CSTPP1: variants seen among roughly 807,000 people sequenced by gnomAD.
CSTPP1 encodes the protein UPF0705 protein C11orf49.
the CSTPP1 span, among the ~76,000 whole-genome samples, chr11:47,027,452 G>A: frequency 2.0e-5 from 3 of 152,248 alleles, no homozygotes; most frequent in African/African-American, 2.4e-5. Context: ...GGAAAGAACC[G>A]TCTTTCTTCC....
the CSTPP1 span, among the ~76,000 whole-genome samples, chr11:46,979,475 A>G: frequency 6.6e-6 from 1 of 152,234 alleles, no homozygotes; most frequent in Admixed American, 6.5e-5. Context: ...TATTGCCATG[A>G]CAAATATTAC....
At chr11:46,950,406 C>G in the CSTPP1 span, among the ~76,000 whole-genome samples, 2 of 151,894 alleles carry the variant, frequency 1.3e-5, no homozygotes, top group Admixed American at 1.3e-4. Context: ...ATCTCCTGAC[C>G]TTGTGATCCG....
chr11:47,027,917 TTTTTTTTTTC>T, the CSTPP1 span, among the ~76,000 whole-genome samples: 14 of 135,718 alleles, frequency 1.0e-4, no homozygotes, highest in African/African-American at 2.3e-4. Context: ...CTCTATTTTC[TTTTTTTTTTC>T]TTTTTTTTTT....
chr11:46,957,006 A>T, the CSTPP1 span, among the ~76,000 whole-genome samples: 5 of 151,206 alleles, frequency 3.3e-5, no homozygotes, highest in African/African-American at 4.9e-5. Flanking sequence ...CTTTTTGAAC[A>T]TTTTTTTTCA....
At chr11:46,999,784 A>T in the CSTPP1 span, among the ~76,000 whole-genome samples, 2 of 152,184 alleles carry the variant, frequency 1.3e-5, no homozygotes, top group Non-Finnish European at 2.9e-5. Context: ...ATTTACCTTT[A>T]AACAGTGATA....
chr11:47,073,646 C>T, the CSTPP1 span, among the ~76,000 whole-genome samples: 1 of 151,910 alleles, frequency 6.6e-6, no homozygotes, highest in South Asian at 2.1e-4. Flanking sequence ...AGCATGAGCG[C>T]TAAAGTGATA....
the CSTPP1 span, among the ~76,000 whole-genome samples, chr11:47,053,769 T>C: frequency 7.6e-6 from 1 of 130,738 alleles, no homozygotes; most frequent in African/African-American, 2.9e-5. Context: ...TACTGAGACT[T>C]CGTCTCTACA....
At chr11:47,021,493 A>G in the CSTPP1 span, among the ~76,000 whole-genome samples, 24 of 152,056 alleles carry the variant, frequency 1.6e-4, no homozygotes, top group African/African-American at 4.6e-4. Flanking sequence ...TCAAACAGCT[A>G]TTGTCTTTTA....
At chr11:46,944,299 C>CA in the CSTPP1 span, among the ~76,000 whole-genome samples, 2 of 137,054 alleles carry the variant, frequency 1.5e-5, no homozygotes, top group Non-Finnish European at 3.0e-5. Flanking sequence ...GCCTGGGTGA[C>CA]AGAGTGAGAC....
the CSTPP1 span, among the ~76,000 whole-genome samples, chr11:47,073,965 T>C: frequency 6.6e-6 from 1 of 152,206 alleles, no homozygotes; most frequent in Admixed American, 6.5e-5. Context: ...CACAAGCTTG[T>C]TCTCAAGTCA....
At chr11:47,078,353 G>C in the CSTPP1 span, among the ~76,000 whole-genome samples, 1 of 152,190 alleles carries the variant, frequency 6.6e-6, no homozygotes, top group African/African-American at 2.4e-5. Context: ...TGGGTAGTAA[G>C]AAAGAGGAGG....
chr11:47,014,118 A>G, the CSTPP1 span, among the ~76,000 whole-genome samples: 1 of 152,086 alleles, frequency 6.6e-6, no homozygotes, highest in African/African-American at 2.4e-5. Flanking sequence ...GCTTGAGCCC[A>G]GAAGGTCAAG....
the CSTPP1 span, among the ~76,000 whole-genome samples, chr11:47,119,818 T>A: frequency 6.6e-6 from 1 of 151,738 alleles, no homozygotes; most frequent in African/African-American, 2.4e-5. Context: ...TCCACGTTGG[T>A]CAGGCTGGTC....
At chr11:47,042,717 A>C in the CSTPP1 span, among the ~76,000 whole-genome samples, 11 of 152,344 alleles carry the variant, frequency 7.2e-5, no homozygotes, top group African/African-American at 2.6e-4. Flanking sequence ...TGTTTATGGC[A>C]GACATATGGT....
chr11:47,116,165 A>G, the CSTPP1 span, among the ~76,000 whole-genome samples: 10 of 152,200 alleles, frequency 6.6e-5, no homozygotes, highest in African/African-American at 2.4e-4. Flanking sequence ...ATTTGATGGC[A>G]TTGTGGTCTG....
the CSTPP1 span, among the ~76,000 whole-genome samples, chr11:47,034,934 T>G: frequency 6.6e-6 from 1 of 152,238 alleles, no homozygotes; most frequent in Admixed American, 6.5e-5. Flanking sequence ...TTTACTGGCA[T>G]TAAATTCTCC....
chr11:47,013,309 A>C, the CSTPP1 span, among the ~76,000 whole-genome samples: 2 of 151,918 alleles, frequency 1.3e-5, no homozygotes, highest in Admixed American at 6.6e-5. Context: ...ATAGATAAAC[A>C]TGTGTGCCAT....
chr11:47,133,271 G>A, the CSTPP1 span, among the ~76,000 whole-genome samples: 2 of 152,222 alleles, frequency 1.3e-5, no homozygotes. Context: ...GAAGAAGAAA[G>A]TTTAGCAGTC....
chr11:46,987,409 T>A, the CSTPP1 span: 1 of 1,002,686 alleles, frequency 1.0e-6, no homozygotes, highest in Non-Finnish European at 1.6e-6. Context: ...GCTGATTAGG[T>A]AGTGGCAGTG....
Sources: allele counts gnomAD v4.1 joint callset (sites outside exome capture counted in the v4.1 genomes callset), GRCh38; gene constraint gnomAD v4.1.1; transcripts MANE v1.5; gene names NCBI Gene and HGNC (gene_info 2026-07-23, HGNC 2026-07-21).